SEMA5A: variants seen among roughly 807,000 people sequenced by gnomAD.
The protein encoded by SEMA5A is semaphorin-5A.
A neutral mutation model predicts 135.5 loss-of-function variants in SEMA5A; 55 were observed. The observed-to-expected ratio is 0.41, with a 90% CI of 0.33 to 0.51. The LOEUF (loss-of-function observed/expected upper bound fraction) is 0.51, where lower values mean the gene tolerates loss of function less well. SEMA5A is among the 20% of genes least tolerant of loss of function. The probability of loss-of-function intolerance (pLI) is 0.37; values close to 1 mark genes in which losing one functional copy is unlikely to be tolerated. For missense variants in SEMA5A, 1,290 were observed against 1,419.9 expected, an observed-to-expected ratio of 0.91 and a Z score of 1.47; for synonymous variants, 580 against 546.5, an observed-to-expected ratio of 1.06 and a Z score of -0.85.
chr5:9,399,456 T>C (rs1756552071), intron 2 of SEMA5A, among the ~76,000 whole-genome samples: 1 of 151,938 alleles, frequency 6.6e-6, no homozygotes, highest in Admixed American at 6.6e-5. Flanking sequence ...TTGCCAGGGG[T>C]TGATGGAAGG....
chr5:9,154,061 AAATATATATATAT>A (rs1390162598), intron 12 of SEMA5A, among the ~76,000 whole-genome samples: 2 of 46,862 alleles, frequency 4.3e-5, no homozygotes, highest in African/African-American at 1.1e-4. Context: ...AAAAAAAAAA[AAATATATATATAT>A]ATATATATAT....
chr5:9,131,796 A>G (rs1741449698), intron 13 of SEMA5A, among the ~76,000 whole-genome samples: 1 of 151,966 alleles, frequency 6.6e-6, no homozygotes, highest in South Asian at 2.1e-4. Flanking sequence ...ACATTTCAAC[A>G]TCATATTTGT....
chr5:9,364,580 T>C (rs1754835490), intron 3 of SEMA5A, among the ~76,000 whole-genome samples: 1 of 152,198 alleles, frequency 6.6e-6, no homozygotes, highest in Non-Finnish European at 1.5e-5. Context: ...TATCAAATAT[T>C]ATTTAATCAG....
intron 3 of SEMA5A, among the ~76,000 whole-genome samples, chr5:9,341,066 A>T (rs1753627016): frequency 6.6e-6 from 1 of 152,118 alleles, no homozygotes; most frequent in African/African-American, 2.4e-5. Context: ...TCCTATTTCA[A>T]AAAGCATTAC....
Position 9,066,490 on chromosome 5 carries a change from C to T in SEMA5A, c.2230G>A (p.Glu744Lys). ...KARLADPNLL[E>K]VGRQRIEMRY... ...ATTTCGATTCTCTGTCTTCCCACTT[C>T]CAGCAAATTCGGATCAGCCAGGCGG... Residue 744 changes from glutamate to lysine, a missense_variant, in exon 17 of 23, where the codon GAA becomes AAA. Glu to Lys is a moderately conservative substitution (Grantham distance 56). Around this residue, in one of 3 missense-constraint regions of SEMA5A, gnomAD observed 1,029 missense variants for 1,086.6 expected, o/e 0.95. Coordinates refer to ENST00000382496, the MANE Select transcript of SEMA5A (RefSeq NM_003966.3). The T allele has an allele frequency of 6.2e-7, 1 of 1,614,192 alleles. No individual in the cohort carries two copies. Among genetic ancestry groups the T allele is most frequent in the Non-Finnish European group, 8.5e-7 (1 of 1,180,038 alleles).
chr5:9,301,131 A>T (rs1751592486), intron 5 of SEMA5A, among the ~76,000 whole-genome samples: 1 of 152,216 alleles, frequency 6.6e-6, no homozygotes. Flanking sequence ...CAACTATATT[A>T]ACAAGCTAAG....
At chr5:9,067,314 G>A (rs1310945547) in intron 16 of SEMA5A, among the ~76,000 whole-genome samples, 11 of 152,094 alleles carry the variant, frequency 7.2e-5, no homozygotes, top group Admixed American at 1.3e-4. Flanking sequence ...GGTCTGGCAC[G>A]TGGAGATGAT....
chr5:9,477,598 A>G (rs1759717289), intron 1 of SEMA5A, among the ~76,000 whole-genome samples: 1 of 152,202 alleles, frequency 6.6e-6, no homozygotes, highest in Admixed American at 6.5e-5. Context: ...GACTGGTGGC[A>G]TTGTGCCCCT....
In SEMA5A at chr5:9,269,161, C is replaced by T. The variant is rs531136211; in HGVS notation, c.271-31271G>A. Reference sequence around the variant, plus strand: ...GCCTCATGCCTCTAATTTGTCATCACGCTGAATCATCCAACATCCTCACCT... The same window carrying T: ...GCCTCATGCCTCTAATTTGTCATCATGCTGAATCATCCAACATCCTCACCT... On this transcript the variant is annotated intron_variant, in intron 5 of 22. Transcript: ENST00000382496. Among the ~76,000 whole-genome samples the T allele has an allele frequency of 6.9e-4, 105 of 152,168 alleles. 1 individual carries two copies. The highest frequency in any genetic ancestry group is 2.5e-3 in the African/African-American group (102 of 41,530).
chr5:9,486,786 G>C (rs1024909587), intron 1 of SEMA5A, among the ~76,000 whole-genome samples: 7 of 152,102 alleles, frequency 4.6e-5, no homozygotes, highest in Non-Finnish European at 1.0e-4. Flanking sequence ...CTGAAAAGCT[G>C]TCTAAAAAGG....
At chr5:9,267,810 T>C (rs1384299838) in intron 5 of SEMA5A, among the ~76,000 whole-genome samples, 3 of 152,102 alleles carry the variant, frequency 2.0e-5, no homozygotes, top group Non-Finnish European at 2.9e-5. Flanking sequence ...TGAGAAAAGA[T>C]TTACAGAACA....
rs1161296331 is a variant in SEMA5A at position 9,545,264 on chromosome 5, G to C, written c.-175+320C>G. ...CACAGACCAGTGTGCGCACCTTTCCGGGTGTTGGGCAGGGGTCCCGTCTCG... is the reference window on the plus strand; with the variant it reads ...CACAGACCAGTGTGCGCACCTTTCCCGGTGTTGGGCAGGGGTCCCGTCTCG... On this transcript the variant is annotated intron_variant, in intron 1 of 22. Transcript: ENST00000382496. The surrounding 1 kb of genome is among the most constrained non-coding windows in gnomAD (Gnocchi z 4.5). Among the ~76,000 whole-genome samples the C allele has an allele frequency of 5.3e-5, 8 of 152,100 alleles. No homozygotes were observed. The highest frequency in any genetic ancestry group is 2.1e-4 in the South Asian group (1 of 4,818).
At chr5:9,091,705 C>A (rs1057209166) in intron 16 of SEMA5A, among the ~76,000 whole-genome samples, 1 of 152,214 alleles carries the variant, frequency 6.6e-6, no homozygotes, top group Non-Finnish European at 1.5e-5. Context: ...GTCACATAAA[C>A]CATGAGGGCT....
intron 5 of SEMA5A, among the ~76,000 whole-genome samples, chr5:9,306,136 T>C (rs1225180204): frequency 6.6e-6 from 1 of 152,256 alleles, no homozygotes; most frequent in Non-Finnish European, 1.5e-5. Context: ...TGGTTATCTA[T>C]TGTATTTGAG....
intron 5 of SEMA5A, among the ~76,000 whole-genome samples, chr5:9,283,300 T>C (rs1007775915): frequency 6.6e-6 from 1 of 152,188 alleles, no homozygotes; most frequent in Non-Finnish European, 1.5e-5. Context: ...TTTTTAGGCT[T>C]GTGAGAGTCT....
chr5:9,151,144 T>C (rs1742615111), intron 12 of SEMA5A, among the ~76,000 whole-genome samples: 1 of 152,194 alleles, frequency 6.6e-6, no homozygotes, highest in Admixed American at 6.5e-5. Flanking sequence ...CCCGCCAAAT[T>C]CTCACAAAAT....
rs1322618824 is a variant in SEMA5A at position 9,224,661 on chromosome 5, A to T, written c.646+13T>A. ...CAAATGAGGTGAGAAAGAGGGAGTG[A>T]CGGAAGGCTTACCATTGAGCCATTT... On this transcript the variant is annotated intron_variant, in intron 8 of 22. Coordinates refer to ENST00000382496, the MANE Select transcript of SEMA5A (RefSeq NM_003966.3). 1.9e-6 allele frequency: 3 copies of T among 1,613,076 alleles called. No individual in the cohort carries two copies. Among genetic ancestry groups the T allele is most frequent in the Non-Finnish European group, 2.5e-6 (3 of 1,179,038 alleles).
chr5:9,493,828 C>A (rs1460684915), intron 1 of SEMA5A, among the ~76,000 whole-genome samples: 1 of 152,140 alleles, frequency 6.6e-6, no homozygotes, highest in Non-Finnish European at 1.5e-5. Flanking sequence ...CAGAACCGAG[C>A]TTTACAGAAA....
chr5:9,174,701 TA>T (rs1359713020), intron 11 of SEMA5A, among the ~76,000 whole-genome samples: 13 of 152,200 alleles, frequency 8.5e-5, no homozygotes, highest in African/African-American at 2.9e-4. Context: ...AGATCCAAAA[TA>T]AAAACATCAG....
Sources: gnomAD v4.1 joint callset for allele counts (sites outside exome capture counted in the v4.1 genomes callset) on GRCh38, gnomAD v4.1.1 for gene constraint, gnomAD v4.1.1 regional missense constraint, Gnocchi (gnomAD v3.1) non-coding constraint, MANE v1.5 for transcripts, NCBI Gene and HGNC (gene_info 2026-07-23, HGNC 2026-07-21) for gene names.